Variants in MUC12 observed in about 807,000 individuals in gnomAD.
MUC12 encodes mucin-12.
Under a neutral mutation model 230.8 loss-of-function variants are expected in MUC12, and 172 were observed. The ratio of observed to expected loss-of-function variants is 0.75; its 90% CI spans 0.66 to 0.85. The LOEUF (loss-of-function observed/expected upper bound fraction) is 0.85. MUC12 is among the 40% of genes least tolerant of loss of function. The pLI is 0.00. For synonymous variants in MUC12, 1,259 were observed against 2,401.9 expected (o/e 0.52, Z 13.91); for missense variants, 3,506 against 5,920.6 (o/e 0.59, Z 13.38).
chr7:100,976,772 G>A (rs1793038466), intron 1 of MUC12, among the ~76,000 whole-genome samples: 1 of 148,614 alleles, frequency 6.7e-6, no homozygotes, highest in Non-Finnish European at 1.5e-5. Context: ...TTTGCTCGGT[G>A]GGGCGTGGTG....
chr7:100,984,924 G>T (rs1162763734), intron 1 of MUC12, among the ~76,000 whole-genome samples: 2 of 152,008 alleles, frequency 1.3e-5, no homozygotes, highest in Non-Finnish European at 2.9e-5. Flanking sequence ...GAGTGCAGTG[G>T]CTCACGATCT....
intron 6 of MUC12, 111 bp downstream of exon 6, chr7:101,012,558 A>G: frequency 7.8e-7 from 1 of 1,287,316 alleles, no homozygotes; most frequent in South Asian, 1.5e-5. Flanking sequence ...CTTCTGCCAC[A>G]GGAACCCAGA....
chr7:101,007,030 C>T (rs1793764639), intron 3 of MUC12, among the ~76,000 whole-genome samples: 1 of 152,194 alleles, frequency 6.6e-6, no homozygotes, highest in Admixed American at 6.5e-5. Context: ...ACGATCTTGG[C>T]TCACTGCAAC....
intron 1 of MUC12, among the ~76,000 whole-genome samples, chr7:100,971,435 C>T (rs900802013): frequency 1.6e-4 from 25 of 152,200 alleles, no homozygotes; most frequent in Non-Finnish European, 2.9e-5. Context: ...GGGTGGGGGT[C>T]TCTGGAGCCC....
At chr7:100,975,487 AATGCAGTT>A (rs1303642047) in intron 1 of MUC12, among the ~76,000 whole-genome samples, 1 of 152,312 alleles carries the variant, frequency 6.6e-6, no homozygotes, top group Non-Finnish European at 1.5e-5. Flanking sequence ...AATTACAAGG[AATGCAGTT>A]TTATACAAAG....
chr7:100,991,193 C>A lies in MUC12; in HGVS notation c.630C>A (p.Gly210=), dbSNP rs1196588871. 1.3e-6 allele frequency: 2 copies of A among 1,537,636 alleles called. No homozygotes were observed. The highest frequency in any genetic ancestry group is 2.4e-5 in the East Asian group (1 of 40,904). The change falls in exon 2 of 12, where the codon GGC becomes GGA. Residue 210 remains glycine, a synonymous_variant. Transcript: ENST00000536621. ...PGSTDTTLSP[G]TTTPSSLGPE... ...CCACAGACACAACACTGTCCCCTGG[C>A]ACTACCACACCATCATCCCTTGGTC... is the stretch of plus-strand genomic sequence containing the variant.
intron 1 of MUC12, among the ~76,000 whole-genome samples, chr7:100,989,391 G>C (rs1335656161): frequency 6.6e-6 from 1 of 152,126 alleles, no homozygotes; most frequent in African/African-American, 2.4e-5. Flanking sequence ...ATAGGCATGA[G>C]CCACCACACC....
chr7:100,988,970 CAAGT>C (rs1206718520), intron 1 of MUC12, among the ~76,000 whole-genome samples: 2 of 152,078 alleles, frequency 1.3e-5, no homozygotes, highest in Non-Finnish European at 2.9e-5. Flanking sequence ...TGCCTGCTGC[CAAGT>C]AAGATGTGCC....
chr7:100,978,299 AG>A (rs927443678), intron 1 of MUC12, among the ~76,000 whole-genome samples: 8 of 152,280 alleles, frequency 5.3e-5, no homozygotes, highest in Non-Finnish European at 8.8e-5. Flanking sequence ...CAACTCAGCC[AG>A]GAGCCAATGA....
Position 100,992,563 on chromosome 7 carries a change from C to A in MUC12, c.2000C>A (p.Ser667Ter), listed in dbSNP as rs372488155. Residue 667 changes from serine (S) to a stop codon, truncating the protein, a stop_gained, in exon 2 of 12, where the codon TCA (serine) becomes TAA (stop). Coordinates refer to ENST00000536621, the MANE Select transcript of MUC12 (RefSeq NM_001164462.2). LOFTEE classifies it high-confidence loss of function. Reference sequence around the variant, plus strand: ...ACAACCTCCCACGGCAGCCCGAGCTCAATTCCAACAACCCACATTTCTGCC... The same window carrying A: ...ACAACCTCCCACGGCAGCCCGAGCTAAATTCCAACAACCCACATTTCTGCC... Reference protein sequence around the residue: ...PSTTSHGSPSSIPTTHISARS... With the variant: ...PSTTSHGSPS 4 of 1,537,892 alleles carry A rather than the reference C, an allele frequency of 2.6e-6. No individual in the cohort carries two copies. Among genetic ancestry groups the A allele is most frequent in the East Asian group, 2.4e-5 (1 of 40,942 alleles).
chr7:100,972,967 T>A (rs990268833), intron 1 of MUC12: 1 of 702,954 alleles, frequency 1.4e-6, no homozygotes, highest in South Asian at 1.5e-5. Flanking sequence ...GGAGCTACGG[T>A]GCAGGAATGC....
intron 5 of MUC12, 124 bp downstream of exon 5, chr7:101,009,283 G>T (rs922061379): frequency 1.4e-5 from 13 of 942,516 alleles, no homozygotes; most frequent in Non-Finnish European, 2.0e-5. Flanking sequence ...TCCTGCAGCC[G>T]CTAGGGAACA....
At chr7:101,015,715 G>A in intron 10 of MUC12, 24 bp downstream of exon 10, 1 of 1,530,996 alleles carries the variant, frequency 6.5e-7, no homozygotes, top group Non-Finnish European at 8.8e-7. Context: ...AGGGCAAGGA[G>A]ATGAGCAGAG....
intron 1 of MUC12, among the ~76,000 whole-genome samples, chr7:100,973,844 C>A (rs1011641526): frequency 2.0e-5 from 3 of 151,878 alleles, no homozygotes; most frequent in Admixed American, 1.3e-4. Flanking sequence ...TGTAGTGACA[C>A]CCCATCTCTA....
Position 101,002,886 on chromosome 7 carries a change from A to G in MUC12, c.12323A>G (p.His4108Arg), listed in dbSNP as rs1793633070. ...AVPVEVSTTY[H>R]SRPSSTPTTH... Reference sequence around the variant, plus strand: ...CCTGTTGAAGTATCCACAACCTACCACAGCCGCCCGAGCTCAACTCCAACA... The same window carrying G: ...CCTGTTGAAGTATCCACAACCTACCGCAGCCGCCCGAGCTCAACTCCAACA... Residue 4108 changes from histidine (H) to arginine (R), a missense_variant, in exon 2 of 12, where the codon CAC becomes CGC. By Grantham distance (29) the His-to-Arg change is conservative (BLOSUM62 0). Coordinates refer to ENST00000536621, the MANE Select transcript of MUC12 (RefSeq NM_001164462.2). The G allele has an allele frequency of 8.4e-7, 1 of 1,184,458 alleles. No individual in the cohort carries two copies. The highest frequency in any genetic ancestry group is 2.2e-5 in the Admixed American group (1 of 44,928). 73.4% of individuals were successfully genotyped at this position (1,184,458 alleles called of 1,614,324 possible).
intron 10 of MUC12, 118 bp downstream of exon 10, chr7:101,015,809 G>C: frequency 3.4e-6 from 3 of 877,360 alleles, no homozygotes; most frequent in Non-Finnish European, 5.3e-6. Context: ...GGCTGTGACT[G>C]ACAGCCCGTT....
rs1000260461 is a variant in MUC12 at position 100,992,583 on chromosome 7, T to A, written c.2020T>A (p.Ser674Thr). ...SPSSIPTTHI[S>T]ARSTTSGLVE... ...GAGCTCAATTCCAACAACCCACATTTCTGCCCGCTCCACAACCTCAGGCCT... is the reference window on the plus strand; with the variant it reads ...GAGCTCAATTCCAACAACCCACATTACTGCCCGCTCCACAACCTCAGGCCT... Residue 674 changes from serine (S) to threonine (T), a missense_variant, in exon 2 of 12, where the codon TCT becomes ACT. By Grantham distance (58) the Ser-to-Thr change is moderately conservative. Coordinates refer to ENST00000536621, the MANE Select transcript of MUC12 (RefSeq NM_001164462.2). 263 of 1,537,642 alleles carry A rather than the reference T, an allele frequency of 1.7e-4. 1 individual carries two copies. The highest frequency in any genetic ancestry group is 2.2e-4 in the Non-Finnish European group (253 of 1,146,964).
Position 101,005,375 on chromosome 7 carries a change from A to G in MUC12, c.14812A>G (p.Ile4938Val). 1.3e-6 allele frequency: 2 copies of G among 1,537,746 alleles called. No individual in the cohort carries two copies. The highest frequency in any genetic ancestry group is 1.7e-6 in the Non-Finnish European group (2 of 1,147,014). ...DLVGEPTTFYISPSPTYTTLF... is the reference protein window; with the variant it reads ...DLVGEPTTFYVSPSPTYTTLF... Reference sequence around the variant, plus strand: ...TGTTGGAGAACCTACAACTTTCTACATCAGCCCATCCCCTACTTACACAAC... The same window carrying G: ...TGTTGGAGAACCTACAACTTTCTACGTCAGCCCATCCCCTACTTACACAAC... The change falls in exon 2 of 12, where the codon ATC becomes GTC. Residue 4938 changes from isoleucine (I) to valine (V), a missense_variant. By Grantham distance (29) the Ile-to-Val change is conservative. Coordinates refer to ENST00000536621, the MANE Select transcript of MUC12 (RefSeq NM_001164462.2).
Position 100,980,277 on chromosome 7 carries a change from G to A in MUC12, c.68-10354G>A, listed in dbSNP as rs538007209. Among the ~76,000 whole-genome samples the A allele has an allele frequency of 4.0e-4, 61 of 152,204 alleles. 1 individual carries two copies. The highest frequency in any genetic ancestry group is 3.4e-3 in the Middle Eastern group (1 of 294). On this transcript the variant is annotated intron_variant, in intron 1 of 11. Transcript: ENST00000536621. ...AGGATGGTCTTGATCTCTTGACCTC[G>A]TGATCCCGCCCGCCTTGGCCTCCCA...
Sources: allele counts gnomAD v4.1 joint callset (sites outside exome capture counted in the v4.1 genomes callset), GRCh38; gene constraint gnomAD v4.1.1; transcripts MANE v1.5; gene names NCBI Gene and HGNC (gene_info 2026-07-23, HGNC 2026-07-21).